LDB2: variants seen among roughly 807,000 people sequenced by gnomAD.
LDB2 encodes LIM domain-binding protein 2.
Under a neutral mutation model 44.3 loss-of-function variants are expected in LDB2, and 12 were observed. That is an observed-to-expected ratio of 0.27 (90% CI 0.17 to 0.44). LDB2 has a LOEUF of 0.44. Among genes scored for constraint, LDB2 ranks in the 20% least tolerant of loss-of-function variants. The probability of loss-of-function intolerance (pLI) is 1.00; values close to 1 mark genes in which losing one functional copy is unlikely to be tolerated. For missense variants in LDB2, 344 were observed against 473.5 expected (o/e 0.73, Z 2.54); for synonymous variants, 164 against 174.8 (o/e 0.94, Z 0.49).
At chr4:16,728,627 A>G (rs1370265002) in intron 2 of LDB2, among the ~76,000 whole-genome samples, 2 of 152,216 alleles carry the variant, frequency 1.3e-5, no homozygotes. Flanking sequence ...AACTCACACA[A>G]TGCATCTATT....
At chr4:16,793,410 T>A (rs1209411541) in intron 1 of LDB2, among the ~76,000 whole-genome samples, 1 of 152,144 alleles carries the variant, frequency 6.6e-6, no homozygotes, top group Non-Finnish European at 1.5e-5. Context: ...TTAATTATAC[T>A]TAAAGGTTTG....
intron 2 of LDB2, among the ~76,000 whole-genome samples, chr4:16,644,880 A>T (rs1454078322): frequency 6.6e-6 from 1 of 152,182 alleles, no homozygotes; most frequent in African/African-American, 2.4e-5. Context: ...AGGCACCCTT[A>T]TATTTTCCCT....
intron 1 of LDB2, among the ~76,000 whole-genome samples, chr4:16,860,027 C>G (rs16894092): frequency 5.3e-4 from 80 of 152,244 alleles, no homozygotes; most frequent in African/African-American, 1.9e-3. Context: ...TTCAAAGACC[C>G]AAAACTACCC....
At chr4:16,632,486 G>T (rs1416370109) in intron 2 of LDB2, among the ~76,000 whole-genome samples, 1 of 152,154 alleles carries the variant, frequency 6.6e-6, no homozygotes, top group Non-Finnish European at 1.5e-5. Context: ...TACTGAATGG[G>T]CCAAAACTGG....
At chr4:16,863,020 T>C (rs1422210021) in intron 1 of LDB2, among the ~76,000 whole-genome samples, 9 of 152,250 alleles carry the variant, frequency 5.9e-5, no homozygotes, top group Admixed American at 6.5e-5. Context: ...GCCCGCATCG[T>C]TGGAGTCACA....
At chr4:16,701,372 C>G (rs933207354) in intron 2 of LDB2, among the ~76,000 whole-genome samples, 1 of 152,078 alleles carries the variant, frequency 6.6e-6, no homozygotes, top group African/African-American at 2.4e-5. Flanking sequence ...ATTGAGTGTC[C>G]AAGACCTGCC....
At chr4:16,822,978 G>A (rs1008018678) in intron 1 of LDB2, among the ~76,000 whole-genome samples, 13 of 152,120 alleles carry the variant, frequency 8.5e-5, no homozygotes, top group African/African-American at 3.1e-4. Flanking sequence ...AATCAGTGAG[G>A]GCTGTGACCC....
At chr4:16,564,390 A>T (rs1030516128) in intron 5 of LDB2, among the ~76,000 whole-genome samples, 1 of 152,108 alleles carries the variant, frequency 6.6e-6, no homozygotes, top group Non-Finnish European at 1.5e-5. Flanking sequence ...AAACAATCAA[A>T]AAATACAGCT....
At chr4:16,896,442 CTTGCAGA>C (rs1725027889) in intron 1 of LDB2, among the ~76,000 whole-genome samples, 1 of 152,048 alleles carries the variant, frequency 6.6e-6, no homozygotes, top group Non-Finnish European at 1.5e-5. Flanking sequence ...GTAGGGAAAT[CTTGCAGA>C]TAAGTCTCCT....
chr4:16,651,187 T>A (rs1026196420), intron 2 of LDB2: 16 of 152,166 alleles, frequency 1.1e-4, no homozygotes, highest in Non-Finnish European at 2.9e-5. Context: ...ATCCATTCAC[T>A]CCATAGAGTC....
At chr4:16,713,933 C>A (rs1002120971) in intron 2 of LDB2, among the ~76,000 whole-genome samples, 1 of 152,152 alleles carries the variant, frequency 6.6e-6, no homozygotes, top group African/African-American at 2.4e-5. Context: ...TAGATTATTT[C>A]TGTCTGAGAT....
rs542181807 is a variant in LDB2, at chr4:16,613,296, C to T, written c.236-17421G>A. ...AGCTGGAAGCATTCCCTTTGAAAAC[C>T]GGTACAAGACAAGGATGCTGTCTCT... On this transcript the variant is annotated intron_variant, in intron 2 of 7. Transcript: ENST00000304523. 2.6e-4 allele frequency among the ~76,000 whole-genome samples: 40 copies of T among 152,174 alleles called. 2 individuals carry two copies. In the South Asian group the frequency reaches 4.8e-3, roughly 18 times the overall value.
intron 1 of LDB2, among the ~76,000 whole-genome samples, chr4:16,849,978 G>A (rs949723036): frequency 1.3e-5 from 2 of 152,190 alleles, no homozygotes; most frequent in Non-Finnish European, 2.9e-5. Context: ...CCAGGAAGGT[G>A]AAGCGCTTTC....
intron 2 of LDB2, among the ~76,000 whole-genome samples, chr4:16,623,643 TG>T (rs1276055467): frequency 1.7e-5 from 1 of 58,120 alleles, no homozygotes; most frequent in Admixed American, 1.8e-4. Flanking sequence ...TGACTATCAA[TG>T]TGCTGTCAAT....
intron 1 of LDB2, among the ~76,000 whole-genome samples, chr4:16,848,289 G>T (rs568891895): frequency 6.6e-6 from 1 of 152,194 alleles, no homozygotes; most frequent in Admixed American, 6.5e-5. Flanking sequence ...CAGATGAAAA[G>T]CTCAATTTGG....
chr4:16,559,236 G>T (rs1420888833), intron 5 of LDB2, among the ~76,000 whole-genome samples: 2 of 152,124 alleles, frequency 1.3e-5, no homozygotes, highest in African/African-American at 4.8e-5. Context: ...AATGTAAATG[G>T]ACTAAATGCT....
At chr4:16,754,021 T>G (rs1765990142) in intron 2 of LDB2, among the ~76,000 whole-genome samples, 1 of 152,158 alleles carries the variant, frequency 6.6e-6, no homozygotes, top group Admixed American at 6.5e-5. Flanking sequence ...GGTTTTTCTC[T>G]AAGAAACAGG....
At chr4:16,654,562 G>A (rs866680759) in intron 2 of LDB2, among the ~76,000 whole-genome samples, 1 of 152,302 alleles carries the variant, frequency 6.6e-6, no homozygotes, top group South Asian at 2.1e-4. Flanking sequence ...AAAATGTGTT[G>A]TGGGACTCAA....
chr4:16,519,256 C>A (rs558000048), intron 5 of LDB2, among the ~76,000 whole-genome samples: 19 of 152,092 alleles, frequency 1.2e-4, no homozygotes, highest in Non-Finnish European at 1.9e-4. Context: ...ATGTCATTAA[C>A]CCTCACCCCC....
Sources: gnomAD v4.1 joint callset for allele counts (sites outside exome capture counted in the v4.1 genomes callset) on GRCh38, gnomAD v4.1.1 for gene constraint, MANE v1.5 for transcripts, NCBI Gene and HGNC (gene_info 2026-07-23, HGNC 2026-07-21) for gene names.